Variants in LUZP2 observed in about 807,000 individuals in gnomAD.
The protein encoded by LUZP2 is leucine zipper protein 2.
LUZP2 carries 52 observed loss-of-function variants against 51.6 expected under a neutral mutation model. The ratio of observed to expected loss-of-function variants is 1.01; its 90% CI spans 0.81 to 1.27. LUZP2 has a LOEUF of 1.27. Among genes scored for constraint, LUZP2 ranks in the 50% most tolerant of loss-of-function variants. The pLI is 0.00. For synonymous variants in LUZP2, 154 were observed against 137.3 expected, an observed-to-expected ratio of 1.12 and a Z score of -0.85; for missense variants, 436 against 395.4, an observed-to-expected ratio of 1.10 and a Z score of -0.87.
At chr11:24,509,721 T>C (rs1850249253) in intron 1 of LUZP2, among the ~76,000 whole-genome samples, 1 of 151,718 alleles carries the variant, frequency 6.6e-6, no homozygotes. Flanking sequence ...TACTCATAGA[T>C]ACCTTGCATT....
chr11:24,659,571 TA>T (rs1034026285), intron 1 of LUZP2, among the ~76,000 whole-genome samples: 6 of 150,552 alleles, frequency 4.0e-5, no homozygotes, highest in African/African-American at 9.8e-5. Context: ...TAAGTATAAT[TA>T]AAAAAAAATA....
At chr11:24,592,524 G>A (rs1001802996) in intron 1 of LUZP2, among the ~76,000 whole-genome samples, 2 of 152,096 alleles carry the variant, frequency 1.3e-5, no homozygotes, top group African/African-American at 4.8e-5. Context: ...CATTGTCTCA[G>A]TATAGTTGTT....
chr11:24,911,476 A>G (rs1853632863), intron 6 of LUZP2, among the ~76,000 whole-genome samples: 1 of 152,132 alleles, frequency 6.6e-6, no homozygotes, highest in Admixed American at 6.5e-5. Flanking sequence ...CATGCTGTTC[A>G]CTTGATAGTG....
At chr11:24,505,301 A>G (rs1564957440) in intron 1 of LUZP2, among the ~76,000 whole-genome samples, 1 of 152,114 alleles carries the variant, frequency 6.6e-6, no homozygotes, top group Non-Finnish European at 1.5e-5. Flanking sequence ...TAGGGGAGGA[A>G]TGGAGATGAC....
At chr11:24,935,751 G>A (rs1027468088) in intron 7 of LUZP2, among the ~76,000 whole-genome samples, 2 of 152,036 alleles carry the variant, frequency 1.3e-5, no homozygotes, top group African/African-American at 4.8e-5. Context: ...TAAATGTTTT[G>A]TTATGTAACA....
chr11:24,582,011 T>A (rs1852875143), intron 1 of LUZP2, among the ~76,000 whole-genome samples: 1 of 152,080 alleles, frequency 6.6e-6, no homozygotes, highest in African/African-American at 2.4e-5. Context: ...ACATGCTTTC[T>A]TCTGTGCTGC....
intron 3 of LUZP2, among the ~76,000 whole-genome samples, chr11:24,734,371 GA>G (rs11325413): frequency 0.79 from 118,786 of 151,126 alleles, 46,974 homozygotes; most frequent in Admixed American, 0.87. Flanking sequence ...CAAAAATCAG[GA>G]AAAAAAAATG....
intron 5 of LUZP2, among the ~76,000 whole-genome samples, chr11:24,784,030 T>A (rs1393442627): frequency 1.3e-5 from 2 of 151,924 alleles, no homozygotes; most frequent in Non-Finnish European, 2.9e-5. Flanking sequence ...AGGCCTTTCT[T>A]GCGTGGCTTC....
chr11:24,689,338 C>T (rs950337495), intron 1 of LUZP2, among the ~76,000 whole-genome samples: 30 of 152,134 alleles, frequency 2.0e-4, no homozygotes, highest in African/African-American at 7.0e-4. Context: ...TGTATGCATC[C>T]TTACTTGAAG....
intron 1 of LUZP2, among the ~76,000 whole-genome samples, chr11:24,616,471 G>GCA (rs1565031241): frequency 4.3e-4 from 34 of 79,234 alleles, no homozygotes; most frequent in Non-Finnish European, 8.2e-4. Context: ...TATTTGGCGT[G>GCA]CGCATGTGTG....
intron 1 of LUZP2, among the ~76,000 whole-genome samples, chr11:24,568,429 G>A (rs1361684353): frequency 6.7e-6 from 1 of 150,044 alleles, no homozygotes; most frequent in Non-Finnish European, 1.5e-5. Context: ...GAGAATCACT[G>A]TAACATGAGA....
chr11:24,980,941 A>G (rs1856011083), intron 8 of LUZP2, among the ~76,000 whole-genome samples: 1 of 151,856 alleles, frequency 6.6e-6, no homozygotes, highest in Non-Finnish European at 1.5e-5. Context: ...GCATTTTACT[A>G]TCACATTTTA....
chr11:24,638,465 A>C (rs937347658), intron 1 of LUZP2, among the ~76,000 whole-genome samples: 4 of 151,742 alleles, frequency 2.6e-5, no homozygotes, highest in African/African-American at 9.7e-5. Flanking sequence ...TCTAAAAACT[A>C]TATAGGGAAA....
intron 5 of LUZP2, among the ~76,000 whole-genome samples, chr11:24,806,862 G>A (rs192518562): frequency 1.3e-5 from 2 of 151,528 alleles, no homozygotes; most frequent in Admixed American, 1.3e-4. Flanking sequence ...TCCTTTTACC[G>A]ATTTCTATGG....
intron 4 of LUZP2, among the ~76,000 whole-genome samples, chr11:24,743,350 C>T (rs1859255633): frequency 6.6e-6 from 1 of 152,050 alleles, no homozygotes; most frequent in African/African-American, 2.4e-5. Flanking sequence ...TTGTTTGTGT[C>T]ATCTGTGATT....
intron 4 of LUZP2, among the ~76,000 whole-genome samples, chr11:24,750,337 T>C (rs1859532217): frequency 6.6e-6 from 1 of 152,170 alleles, no homozygotes; most frequent in African/African-American, 2.4e-5. Flanking sequence ...AACACAGGCA[T>C]CCCTATGAAT....
intron 1 of LUZP2, among the ~76,000 whole-genome samples, chr11:24,518,677 A>G (rs1850552645): frequency 6.6e-6 from 1 of 152,306 alleles, no homozygotes; most frequent in Non-Finnish European, 1.5e-5. Context: ...GTTTGTGCCT[A>G]GTTCAAAGTT....
chr11:25,034,766 T>C lies in LUZP2; in HGVS notation c.766-15272T>C, dbSNP rs187306840. On this transcript the variant is annotated intron_variant, in intron 9 of 11. Coordinates refer to ENST00000336930, the MANE Select transcript of LUZP2 (RefSeq NM_001009909.4). ...CTTTATTTCTGAGCCTTCTATTCCA[T>C]TTAATTGGTCTACATGTCTGTTTTT... Among the ~76,000 whole-genome samples the C allele has an allele frequency of 2.1e-3, 314 of 152,224 alleles. 2 individuals carry two copies. Among genetic ancestry groups the C allele is most frequent in the South Asian group, 3.7e-3 (18 of 4,824 alleles).
chr11:24,996,832 T>C (rs1385257771), intron 9 of LUZP2, among the ~76,000 whole-genome samples: 1 of 152,002 alleles, frequency 6.6e-6, no homozygotes, highest in Non-Finnish European at 1.5e-5. Context: ...TGTGTTCTCA[T>C]TGTTTAATTC....
Sources: gnomAD v4.1 joint callset for allele counts (sites outside exome capture counted in the v4.1 genomes callset) on GRCh38, gnomAD v4.1.1 for gene constraint, MANE v1.5 for transcripts, NCBI Gene and HGNC (gene_info 2026-07-23, HGNC 2026-07-21) for gene names.